Variants in FAM178B observed in about 807,000 individuals in gnomAD.
The protein encoded by FAM178B is family with sequence similarity 178 member B.
In FAM178B, 82 loss-of-function variants were observed where a neutral mutation model predicts 91.7. The ratio of observed to expected loss-of-function variants is 0.89; its 90% CI spans 0.75 to 1.07. The LOEUF (loss-of-function observed/expected upper bound fraction) is 1.07, where lower values mean the gene tolerates loss of function less well. Among genes scored for constraint, FAM178B ranks in the 50% least tolerant of loss-of-function variants. The pLI is 0.00. For missense variants in FAM178B, 769 were observed against 846.7 expected (o/e 0.91, Z 1.14); for synonymous variants, 368 against 359.4 (o/e 1.02, Z -0.27).
intron 14 of FAM178B, among the ~76,000 whole-genome samples, chr2:96,885,825 C>G (rs2080504712): frequency 6.6e-6 from 1 of 151,988 alleles, no homozygotes; most frequent in African/African-American, 2.4e-5. Context: ...TGCAAGCTAC[C>G]CAGAGAGGGA....
At position 96,902,863 on chromosome 2, in the gene FAM178B, A is replaced by G. The variant is rs569064771; in HGVS notation, c.1563-156T>C. 4.6e-5 allele frequency among the ~76,000 whole-genome samples: 7 copies of G among 152,312 alleles called. No homozygotes were observed. The East Asian group carries it at 1.4e-3, about 29-fold the overall frequency. On this transcript the variant is annotated intron_variant, in intron 12 of 16. Transcript: ENST00000490605. ...TCTCCATTGGCTTACAGCATTATGT[A>G]TTCTAGGAGGAATGAAACTCTCATG...
At chr2:96,952,231 T>A (rs1483808998) in intron 6 of FAM178B, among the ~76,000 whole-genome samples, 1 of 152,104 alleles carries the variant, frequency 6.6e-6, no homozygotes, top group Non-Finnish European at 1.5e-5. Flanking sequence ...GCGTTTCTGC[T>A]CTGCCTTATG....
At position 96,967,606 on chromosome 2, in the gene FAM178B, C is replaced by G; in HGVS notation, c.648G>C (p.Glu216Asp). 6.5e-7 allele frequency: 1 copy of G among 1,550,156 alleles called. No homozygotes were observed. Among genetic ancestry groups the G allele is most frequent in the Non-Finnish European group, 8.7e-7 (1 of 1,146,820 alleles). Reference protein sequence around the residue: ...QEKREQALEQERERLLLQECL... With the variant: ...QEKREQALEQDRERLLLQECL... ...ACTCCTGCAGAAGCAGCCTCTCTCG[C>G]TCCTGCTCCAGGGCCTGTTCCCTAT... The change falls in exon 5 of 17, where the codon GAG (glutamate) becomes GAC (aspartate). Residue 216 changes from glutamate (E) to aspartate (D), a missense_variant. Physicochemically the swap from Glu to Asp is conservative, Grantham distance 45. Transcript: ENST00000490605.
chr2:96,932,230 A>T (rs2081551993), intron 8 of FAM178B, among the ~76,000 whole-genome samples: 1 of 152,204 alleles, frequency 6.6e-6, no homozygotes, highest in South Asian at 2.1e-4. Flanking sequence ...ACTCACAGGC[A>T]GCAGTGCCCA....
chr2:96,964,237 G>A (rs2082117474), intron 5 of FAM178B, among the ~76,000 whole-genome samples: 1 of 151,206 alleles, frequency 6.6e-6, no homozygotes, highest in African/African-American at 2.4e-5. Flanking sequence ...AAGGTAAATG[G>A]CCAGCCCAGG....
At chr2:96,973,871 C>T (rs1392360489) in intron 1 of FAM178B, among the ~76,000 whole-genome samples, 1 of 151,804 alleles carries the variant, frequency 6.6e-6, no homozygotes, top group African/African-American at 2.4e-5. Flanking sequence ...GGCATGGTGG[C>T]ACACGCCTGT....
chr2:96,972,738 G>A, intron 1 of FAM178B, 132 bp from the exon 2 acceptor site: 1 of 709,080 alleles, frequency 1.4e-6, no homozygotes, highest in South Asian at 1.8e-5. Context: ...CTGGCCTTCT[G>A]ATCCCACCAA....
chr2:96,959,860 C>G (rs932541933), intron 6 of FAM178B, among the ~76,000 whole-genome samples: 1 of 152,214 alleles, frequency 6.6e-6, no homozygotes, highest in South Asian at 2.1e-4. Flanking sequence ...GCTGGGGACA[C>G]GCTTTTCAGT....
chr2:96,886,249 G>A (rs1026104081), intron 14 of FAM178B, among the ~76,000 whole-genome samples: 3 of 152,350 alleles, frequency 2.0e-5, no homozygotes, highest in Admixed American at 6.5e-5. Context: ...GCCCTGACTC[G>A]AGGGGTGAAC....
chr2:96,895,972 G>A (rs1199175887), intron 13 of FAM178B, among the ~76,000 whole-genome samples: 1 of 152,230 alleles, frequency 6.6e-6, no homozygotes, highest in African/African-American at 2.4e-5. Context: ...CCTTTTGGGA[G>A]GGGGGAGGAA....
Position 96,972,539 on chromosome 2 carries a change from T to C in FAM178B, c.141A>G (p.Glu47=), listed in dbSNP as rs2082236737. The change falls in exon 2 of 17, where the codon GAA becomes GAG. Residue 47 remains glutamate, a splice_region_variant and synonymous_variant. Transcript: ENST00000490605. ...QETVLALPLR[E]GVQAAATVPI... ...CCTGTGCAGGTGAGAGACGCCTACC[T>C]TCTCTCAGAGGAAGGGCTAGCACCG... 2 of 1,551,384 alleles carry C rather than the reference T, an allele frequency of 1.3e-6. No individual in the cohort carries two copies. Among genetic ancestry groups the C allele is most frequent in the Admixed American group, 2.0e-5 (1 of 50,988 alleles).
chr2:96,959,887 C>T (rs1454324279), intron 6 of FAM178B, among the ~76,000 whole-genome samples: 2 of 152,228 alleles, frequency 1.3e-5, no homozygotes, highest in African/African-American at 4.8e-5. Context: ...ATCACACACA[C>T]ACTGAAGTGC....
chr2:96,907,870 C>G (rs998850571), intron 12 of FAM178B, among the ~76,000 whole-genome samples: 1 of 152,236 alleles, frequency 6.6e-6, no homozygotes, highest in Non-Finnish European at 1.5e-5. Flanking sequence ...ACTGAACTGC[C>G]CTAAAAGGCT....
chr2:96,915,963 C>T lies in FAM178B; in HGVS notation c.1562+5202G>A, dbSNP rs374354199. On this transcript the variant is annotated intron_variant, in intron 12 of 16. Coordinates refer to ENST00000490605, the MANE Select transcript of FAM178B (RefSeq NM_001122646.3). ...ATGGCTTCAAAGCCTTTTTTCCACTCAGCGTATTTCATTAACTTTCCCATT... is the reference window on the plus strand; with the variant it reads ...ATGGCTTCAAAGCCTTTTTTCCACTTAGCGTATTTCATTAACTTTCCCATT... Among the ~76,000 whole-genome samples, 26 of 152,266 alleles carry T rather than the reference C, an allele frequency of 1.7e-4. No individual in the cohort carries two copies. In the East Asian group the frequency reaches 2.7e-3, roughly 16 times the overall value.
At chr2:96,982,512 C>A (rs545280732) in intron 1 of FAM178B, among the ~76,000 whole-genome samples, 2 of 152,290 alleles carry the variant, frequency 1.3e-5, no homozygotes, top group African/African-American at 4.8e-5. Flanking sequence ...ATCCACCCGC[C>A]TCAGTCTCCC....
At position 96,878,052 on chromosome 2, in the gene FAM178B, C is replaced by G; in HGVS notation, c.1855-10G>C. The G allele has an allele frequency of 1.2e-6, 2 of 1,605,934 alleles. No homozygotes were observed. Among genetic ancestry groups the G allele is most frequent in the African/African-American group, 1.3e-5 (1 of 75,042 alleles). ...GCAGCTGCAGCTCGCCCTGTGGAGGCGGAGGGAGGCCAAGAAGCGGGTGTA... is the reference window on the plus strand; with the variant it reads ...GCAGCTGCAGCTCGCCCTGTGGAGGGGGAGGGAGGCCAAGAAGCGGGTGTA... On this transcript the variant is annotated splice_polypyrimidine_tract_variant and intron_variant, in intron 15 of 16. Transcript: ENST00000490605.
intron 12 of FAM178B, 27 bp from the exon 13 acceptor site, chr2:96,902,734 A>G: frequency 6.5e-7 from 1 of 1,530,810 alleles, no homozygotes; most frequent in Non-Finnish European, 8.9e-7. Flanking sequence ...AGCCTGAGAG[A>G]GGGTGTGCTG....
At chr2:96,949,242 C>T (rs1175418961) in intron 7 of FAM178B, among the ~76,000 whole-genome samples, 1 of 152,142 alleles carries the variant, frequency 6.6e-6, no homozygotes, top group African/African-American at 2.4e-5. Flanking sequence ...CCAAGAACAT[C>T]GAAGGAGCAG....
chr2:96,888,705 G>A (rs921665560), intron 14 of FAM178B, among the ~76,000 whole-genome samples: 1 of 152,220 alleles, frequency 6.6e-6, no homozygotes, highest in African/African-American at 2.4e-5. Context: ...ATCAACACAC[G>A]CGGCACACCA....
Sources: allele counts gnomAD v4.1 joint callset (sites outside exome capture counted in the v4.1 genomes callset), GRCh38; gene constraint gnomAD v4.1.1; transcripts MANE v1.5; gene names NCBI Gene and HGNC (gene_info 2026-07-23, HGNC 2026-07-21).